Variants in SVEP1 observed in about 807,000 individuals in gnomAD.
SVEP1 encodes the protein sushi, von Willebrand factor type A, EGF and pentraxin domain-containing protein 1.
SVEP1 carries 164 observed loss-of-function variants against 367.3 expected under a neutral mutation model. The ratio of observed to expected loss-of-function variants is 0.45; its 90% CI spans 0.39 to 0.51. SVEP1 has a LOEUF of 0.51. Ranked by LOEUF, SVEP1 falls within the 20% of genes least tolerant of loss-of-function variation. SVEP1 has a pLI of 0.00. For missense variants in SVEP1, 4,117 were observed against 4,425.3 expected (o/e 0.93, Z 1.98); for synonymous variants, 1,666 against 1,611.6 (o/e 1.03, Z -0.81).
At chr9:110,479,610 CA>C (rs1350191209) in intron 13 of SVEP1, 24 bp downstream of exon 13, 3 of 1,577,640 alleles carry the variant, frequency 1.9e-6, no homozygotes, top group Non-Finnish European at 8.6e-7. Context: ...AAAGAACACA[CA>C]ATAAATGACC....
rs544019248 is a variant in SVEP1 at position 110,560,178 on chromosome 9, C to T, written c.532-10074G>A. The stretch of plus-strand genomic sequence containing the variant: ...TACACAAATATTTAACATACTGTTA[C>T]AATTGTCCACAGTATTCAGTACTGT... On this transcript the variant is annotated intron_variant, in intron 1 of 47. Transcript: ENST00000374469. 3.3e-5 allele frequency among the ~76,000 whole-genome samples: 5 copies of T among 152,244 alleles called. No individual in the cohort carries two copies. In the South Asian group the frequency reaches 1.0e-3, roughly 32 times the overall value.
chr9:110,546,413 A>T, intron 2 of SVEP1, 122 bp from the exon 3 acceptor site: 1 of 1,116,584 alleles, frequency 9.0e-7, no homozygotes, highest in East Asian at 2.6e-5. Context: ...CTAATTCCCA[A>T]CTGCTTCCTG....
chr9:110,370,105 A>ACTTCCTGCAG (rs1190642463), intron 46 of SVEP1, 89 bp from the exon 47 acceptor site: 18 of 1,191,868 alleles, frequency 1.5e-5, no homozygotes, highest in Non-Finnish European at 1.9e-5. Context: ...ATTTGACTCT[A>ACTTCCTGCAG]CTTCCTGCAG....
intron 3 of SVEP1, among the ~76,000 whole-genome samples, chr9:110,518,353 C>T (rs770191601): frequency 6.6e-6 from 1 of 150,934 alleles, no homozygotes; most frequent in Non-Finnish European, 1.5e-5. Flanking sequence ...ACCTGGGAGA[C>T]GGAGGTTGCA....
rs746738757 is a variant in SVEP1 at position 110,457,269 on chromosome 9, T to C, written c.3660A>G (p.Pro1220=). The C allele has an allele frequency of 1.2e-6, 2 of 1,608,468 alleles. No individual in the cohort carries two copies. The highest frequency in any genetic ancestry group is 8.5e-7 in the Non-Finnish European group (1 of 1,178,256). The change falls in exon 21 of 48, where the codon CCA becomes CCG. Residue 1220 remains proline (P), a synonymous_variant. Coordinates refer to ENST00000374469, the MANE Select transcript of SVEP1 (RefSeq NM_153366.4). ...TTGGTTATTTACCTGTATATCCAAG[T>C]GGACAGAGACAAACATAACCACGCC... ...QLGRGYVCLC[P]LGYTGLKCET...
intron 38 of SVEP1, among the ~76,000 whole-genome samples, chr9:110,404,984 C>A (rs1194204479): frequency 6.6e-6 from 1 of 152,154 alleles, no homozygotes. Flanking sequence ...CAAGAACATG[C>A]CACTGCACTC....
chr9:110,536,868 GT>G (rs1211089356), intron 3 of SVEP1, among the ~76,000 whole-genome samples: 2 of 151,892 alleles, frequency 1.3e-5, no homozygotes, highest in African/African-American at 4.8e-5. Context: ...TACAGGCACT[GT>G]TTTACAGCAT....
chr9:110,426,927 T>C (rs1448853696), intron 36 of SVEP1, among the ~76,000 whole-genome samples: 1 of 152,204 alleles, frequency 6.6e-6, no homozygotes, highest in Non-Finnish European at 1.5e-5. Context: ...AGATATGTCA[T>C]CTTTATGTTA....
chr9:110,574,741 TTC>T (rs537691768), intron 1 of SVEP1, among the ~76,000 whole-genome samples: 4,864 of 109,796 alleles, frequency 0.044, 177 homozygotes, highest in East Asian at 0.11. Flanking sequence ...CCAGTCGACC[TTC>T]TTTTTTTTTT....
intron 36 of SVEP1, among the ~76,000 whole-genome samples, chr9:110,425,923 T>C (rs1010379657): frequency 1.3e-5 from 2 of 152,216 alleles, no homozygotes; most frequent in Non-Finnish European, 2.9e-5. Flanking sequence ...TTGTGTTTTC[T>C]AGTTGTATAT....
intron 45 of SVEP1, among the ~76,000 whole-genome samples, chr9:110,376,179 T>C (rs984068): frequency 0.86 from 130,775 of 152,250 alleles, 56,596 homozygotes; most frequent in African/African-American, 0.97. Context: ...AGGTACCAAC[T>C]CAGATCTGCT....
intron 8 of SVEP1, among the ~76,000 whole-genome samples, chr9:110,495,946 G>C (rs1310303860): frequency 6.6e-6 from 1 of 152,116 alleles, no homozygotes; most frequent in Non-Finnish European, 1.5e-5. Flanking sequence ...TAGCAATTAG[G>C]ATTGAGTCCA....
chr9:110,387,022 C>G (rs1205904777), intron 42 of SVEP1, among the ~76,000 whole-genome samples: 1 of 145,744 alleles, frequency 6.9e-6, no homozygotes, highest in African/African-American at 2.5e-5. Context: ...ATTCATGATA[C>G]ATGTATGTCA....
intron 17 of SVEP1, among the ~76,000 whole-genome samples, chr9:110,466,847 G>C (rs1038858028): frequency 6.6e-6 from 1 of 151,240 alleles, no homozygotes; most frequent in Non-Finnish European, 1.5e-5. Context: ...TTTCATCCAA[G>C]GACCAGTGGG....
chr9:110,462,937 G>A (rs147281236), intron 18 of SVEP1, among the ~76,000 whole-genome samples: 2,601 of 151,998 alleles, frequency 0.017, 27 homozygotes, highest in South Asian at 0.026. Context: ...TTGTATACTA[G>A]AAATTTGCTA....
At chr9:110,389,682 G>T (rs45484994) in intron 40 of SVEP1, 95 bp from the exon 41 acceptor site, 54,271 of 1,354,746 alleles carry the variant, frequency 0.04, 1,638 homozygotes, top group African/African-American at 0.15. Flanking sequence ...GCCTTGAATC[G>T]CTCAGCACTG....
At chr9:110,486,548 C>G (rs1373111235) in intron 9 of SVEP1, among the ~76,000 whole-genome samples, 1 of 149,670 alleles carries the variant, frequency 6.7e-6, no homozygotes, top group East Asian at 2.0e-4. Flanking sequence ...TCTCTCTGTC[C>G]CTTTCTGTCT....
rs1310057878 is a variant in SVEP1 at position 110,579,447 on chromosome 9, G to C, written c.97C>G (p.Arg33Gly). Reference protein sequence around the residue: ...QMSPSRNFSFRLFPETAPGAP... With the variant: ...QMSPSRNFSFGLFPETAPGAP... ...CCGGGCGCGGTCTCGGGGAAGAGGC[G>C]GAAGCTGAAATTGCGCGACGGGGAC... Residue 33 changes from arginine (R) to glycine (G), a missense_variant, in exon 1 of 48, where the codon CGC (arginine) becomes GGC (glycine). Transcript: ENST00000374469. The surrounding 1 kb of genome is among the most constrained non-coding windows in gnomAD (Gnocchi z 5.3). 2 of 1,597,224 alleles carry C rather than the reference G, an allele frequency of 1.3e-6. No individual in the cohort carries two copies. The highest frequency in any genetic ancestry group is 2.3e-5 in the South Asian group (2 of 88,642).
At chr9:110,379,253 AAGT>A (rs2118950883) in intron 44 of SVEP1, 91 bp downstream of exon 44, 1 of 1,328,164 alleles carries the variant, frequency 7.5e-7, no homozygotes, top group South Asian at 1.6e-5. Context: ...AGGAAAAATA[AAGT>A]AGTATGCATA....
Sources: allele counts gnomAD v4.1 joint callset (sites outside exome capture counted in the v4.1 genomes callset), GRCh38; gene constraint gnomAD v4.1.1; non-coding constraint Gnocchi (gnomAD v3.1); transcripts MANE v1.5; gene names NCBI Gene and HGNC (gene_info 2026-07-23, HGNC 2026-07-21).